Variants in SPATA6 observed in about 807,000 individuals in gnomAD.
SPATA6 encodes spermatogenesis-associated protein 6.
A neutral mutation model predicts 65.3 loss-of-function variants in SPATA6; 56 were observed. That is an observed-to-expected ratio of 0.86 (90% CI 0.69 to 1.07). The LOEUF (loss-of-function observed/expected upper bound fraction) is 1.07. Ranked by LOEUF, SPATA6 falls within the 50% of genes least tolerant of loss-of-function variation. The pLI is 0.00. For missense variants in SPATA6, 590 were observed against 594.8 expected (o/e 0.99, Z 0.08); for synonymous variants, 199 against 213.2 (o/e 0.93, Z 0.58).
intron 11 of SPATA6, among the ~76,000 whole-genome samples, chr1:48,344,600 C>T (rs767746141): frequency 2.0e-5 from 3 of 152,050 alleles, no homozygotes; most frequent in East Asian, 1.9e-4. Flanking sequence ...GATAAAGAAC[C>T]AAGACTTGTT....
At chr1:48,340,985 AAC>A (rs1646199684) in intron 11 of SPATA6, among the ~76,000 whole-genome samples, 2 of 152,184 alleles carry the variant, frequency 1.3e-5, no homozygotes, top group Admixed American at 6.6e-5. Context: ...TGTATCCAAT[AAC>A]ACACTTTCAG....
intron 9 of SPATA6, among the ~76,000 whole-genome samples, chr1:48,362,981 C>T (rs1570301112): frequency 3.3e-5 from 5 of 151,860 alleles, no homozygotes; most frequent in Admixed American, 3.3e-4. Context: ...ACAACAATCA[C>T]GGGTGTTAAA....
chr1:48,435,975 T>A (rs2148078279), intron 3 of SPATA6: 2 of 1,601,300 alleles, frequency 1.2e-6, no homozygotes, highest in Admixed American at 1.7e-5. Context: ...CAATGTCTCT[T>A]TTGGATTGCT....
At chr1:48,421,323 TATTATGTCAATTA>T (rs1653313716) in intron 3 of SPATA6, among the ~76,000 whole-genome samples, 2 of 151,934 alleles carry the variant, frequency 1.3e-5, no homozygotes, top group Admixed American at 1.3e-4. Flanking sequence ...TATGCACAAT[TATTATGTCAATTA>T]AAAATAAAAT....
chr1:48,463,408 T>C (rs1181953490), intron 1 of SPATA6, among the ~76,000 whole-genome samples: 1 of 152,158 alleles, frequency 6.6e-6, no homozygotes, highest in Non-Finnish European at 1.5e-5. Context: ...TTATGCATCT[T>C]GGAATTAAAA....
chr1:48,342,976 T>C (rs1018330487), intron 11 of SPATA6, among the ~76,000 whole-genome samples: 11 of 152,106 alleles, frequency 7.2e-5, no homozygotes, highest in Admixed American at 7.2e-4. Flanking sequence ...AAACCACCAG[T>C]AGTAATAAGA....
At chr1:48,388,735 G>T (rs558530581) in intron 8 of SPATA6, among the ~76,000 whole-genome samples, 2 of 151,200 alleles carry the variant, frequency 1.3e-5, no homozygotes, top group South Asian at 2.1e-4. Context: ...TTGAGATAGG[G>T]TCTCACTCTG....
At chr1:48,343,841 A>T (rs12139011) in intron 11 of SPATA6, among the ~76,000 whole-genome samples, 48,161 of 152,110 alleles carry the variant, frequency 0.32, 9,093 homozygotes, top group Middle Eastern at 0.45. Context: ...ATTTATGTTA[A>T]ACTTTAGTAA....
chr1:48,401,050 C>T (rs558934088), intron 6 of SPATA6: 23 of 197,988 alleles, frequency 1.2e-4, no homozygotes, highest in Admixed American at 3.2e-4. Context: ...TCTACTCCAT[C>T]TTGGATTTAA....
chr1:48,325,377 C>T (rs1462949546), intron 11 of SPATA6: 7 of 1,379,464 alleles, frequency 5.1e-6, no homozygotes, highest in Non-Finnish European at 6.2e-6. Flanking sequence ...GCGCCTTCTC[C>T]CTGATTCCTC....
intron 10 of SPATA6, among the ~76,000 whole-genome samples, chr1:48,359,317 A>ATAT (rs1337648159): frequency 6.6e-6 from 1 of 152,176 alleles, no homozygotes; most frequent in Non-Finnish European, 1.5e-5. Context: ...ACAAACACAT[A>ATAT]TATTACTTTT....
At chr1:48,431,684 T>G (rs1431927092) in intron 3 of SPATA6, among the ~76,000 whole-genome samples, 1 of 152,072 alleles carries the variant, frequency 6.6e-6, no homozygotes. Context: ...ATCAATGGAT[T>G]AAAGAAGAAA....
At chr1:48,471,779 C>T (rs1293796917) in intron 1 of SPATA6, among the ~76,000 whole-genome samples, 179 bp downstream of exon 1, 1 of 152,072 alleles carries the variant, frequency 6.6e-6, no homozygotes, top group Non-Finnish European at 1.5e-5. Flanking sequence ...TCTGCGTGGC[C>T]GGAGTGGGAG....
intron 1 of SPATA6, among the ~76,000 whole-genome samples, chr1:48,455,755 T>C (rs1345491208): frequency 6.6e-6 from 1 of 152,156 alleles, no homozygotes; most frequent in Non-Finnish European, 1.5e-5. Context: ...GAGGCTCTTA[T>C]ATTTTTTCTG....
intron 3 of SPATA6, among the ~76,000 whole-genome samples, chr1:48,427,225 C>G (rs1261019010): frequency 1.3e-5 from 2 of 151,756 alleles, no homozygotes; most frequent in Non-Finnish European, 2.9e-5. Context: ...ACCACACACC[C>G]AATCAGAAAT....
At chr1:48,329,921 A>C (rs1645867340) in intron 11 of SPATA6, among the ~76,000 whole-genome samples, 1 of 152,196 alleles carries the variant, frequency 6.6e-6, no homozygotes, top group African/African-American at 2.4e-5. Flanking sequence ...ATACTTCTAG[A>C]CTGAGGCAGA....
chr1:48,452,971 C>T (rs1458965449), intron 2 of SPATA6, 23 bp downstream of exon 2: 6 of 1,605,960 alleles, frequency 3.7e-6, no homozygotes, highest in Non-Finnish European at 5.1e-6. Context: ...TTTGTTAATA[C>T]TTGATCTGAT....
chr1:48,311,228 G>A (rs971056385), intron 11 of SPATA6, among the ~76,000 whole-genome samples: 5 of 151,942 alleles, frequency 3.3e-5, no homozygotes. Context: ...AAATAAATGA[G>A]ATCAAAAATA....
chr1:48,442,339 C>T (rs537415110), intron 3 of SPATA6, among the ~76,000 whole-genome samples: 1 of 152,178 alleles, frequency 6.6e-6, no homozygotes, highest in South Asian at 2.1e-4. Context: ...TGGAAAGAAA[C>T]GGAGTTCCTA....
Sources: gnomAD v4.1 joint callset for allele counts (sites outside exome capture counted in the v4.1 genomes callset) on GRCh38, gnomAD v4.1.1 for gene constraint, MANE v1.5 for transcripts, NCBI Gene and HGNC (gene_info 2026-07-23, HGNC 2026-07-21) for gene names.